The following TGFBI variants were observed in gnomAD, a reference collection of about 807,000 sequenced individuals.
TGFBI encodes transforming growth factor-beta-induced protein ig-h3.
In TGFBI, 50 loss-of-function variants were observed where a neutral mutation model predicts 73.7. That is an observed-to-expected ratio of 0.68 (90% CI 0.54 to 0.86). The LOEUF (loss-of-function observed/expected upper bound fraction) is 0.86. Ranked by LOEUF, TGFBI falls within the 40% of genes least tolerant of loss-of-function variation. The pLI is 0.00. For missense variants in TGFBI, 839 were observed against 877.0 expected (o/e 0.96, Z 0.55); for synonymous variants, 362 against 360.5 (o/e 1.00, Z -0.05).
rs571865897 is a variant in TGFBI at position 136,049,621 on chromosome 5, G to T, written c.913+41G>T. On this transcript the variant is annotated intron_variant, in intron 7 of 16. Transcript: ENST00000442011. ...CTCCTGCTGCTGCCTCATTTGTGCAGCTAGATTGAGCCCAAGACCTGCTCT... is the reference window on the plus strand; with the variant it reads ...CTCCTGCTGCTGCCTCATTTGTGCATCTAGATTGAGCCCAAGACCTGCTCT... The T allele has an allele frequency of 1.4e-5, 23 of 1,592,478 alleles. No individual in the cohort carries two copies. The East Asian group carries it at 5.0e-4, about 35-fold the overall frequency.
chr5:136,046,678 GC>G, intron 4 of TGFBI, 172 bp from the exon 5 acceptor site: 4 of 1,202,904 alleles, frequency 3.3e-6, no homozygotes. Flanking sequence ...TGCGTCTAAT[GC>G]CCCCCGTTCC....
chr5:136,033,185 C>T (rs924301317), intron 1 of TGFBI, among the ~76,000 whole-genome samples: 112 of 152,140 alleles, frequency 7.4e-4, no homozygotes, highest in African/African-American at 2.6e-3. Context: ...AAATAAGGAC[C>T]GTATCCACTG....
rs952022234 is a variant in TGFBI at position 136,052,850 on chromosome 5, T to C, written c.914-57T>C. On this transcript the variant is annotated intron_variant, in intron 7 of 16. Coordinates refer to ENST00000442011, the MANE Select transcript of TGFBI (RefSeq NM_000358.3). ...CACAGCATGGGCAGGCTGCAAGTGG[T>C]CCCTGAGGTTATCGTGGAGTGGACC... The C allele has an allele frequency of 2.1e-5, 33 of 1,545,794 alleles. No individual in the cohort carries two copies. The African/African-American group carries it at 3.9e-4, about 18-fold the overall frequency.
chr5:136,047,519 C>G, intron 6 of TGFBI, 99 bp downstream of exon 6: 1 of 1,452,656 alleles, frequency 6.9e-7, no homozygotes, highest in Non-Finnish European at 9.4e-7. Context: ...GAGGATGGCT[C>G]CTGTAGGGGA....
chr5:136,031,868 C>G (rs1751127319), intron 1 of TGFBI, among the ~76,000 whole-genome samples: 1 of 152,228 alleles, frequency 6.6e-6, no homozygotes, highest in South Asian at 2.1e-4. Context: ...AGGGTCACAG[C>G]CGCCCCCAGC....
intron 1 of TGFBI, 144 bp downstream of exon 1, chr5:136,029,333 C>T (rs1362860194): frequency 1.2e-5 from 12 of 990,180 alleles, no homozygotes; most frequent in Admixed American, 3.7e-5. Flanking sequence ...CGCTCGGACA[C>T]CAGCCCTGCA....
At chr5:136,055,509 G>T (rs1441529831) in intron 10 of TGFBI, 171 bp from the exon 11 acceptor site, 67 of 572,122 alleles carry the variant, frequency 1.2e-4, no homozygotes, top group Non-Finnish European at 1.6e-5. Flanking sequence ...ACCATTTATT[G>T]TTTTATTTCC....
chr5:136,032,523 T>C (rs191955242), intron 1 of TGFBI, among the ~76,000 whole-genome samples: 6 of 152,344 alleles, frequency 3.9e-5, no homozygotes, highest in Admixed American at 3.3e-4. Context: ...ACAAATACGC[T>C]GCACATCAAG....
At chr5:136,054,641 C>T (rs1333376014) in intron 9 of TGFBI, 75 bp from the exon 10 acceptor site, 6 of 1,597,204 alleles carry the variant, frequency 3.8e-6, no homozygotes, top group Admixed American at 1.7e-5. Context: ...GGCTTTTTCA[C>T]TGTATTTATC....
In TGFBI at chr5:136,038,848, G is replaced by A. The variant is rs538870718; in HGVS notation, c.233+4987G>A. 2.7e-4 allele frequency among the ~76,000 whole-genome samples: 41 copies of A among 152,244 alleles called. No individual in the cohort carries two copies. The South Asian group carries it at 6.0e-3, about 22-fold the overall frequency. Reference sequence around the variant, plus strand: ...GCAGCTTCTCAAAGCTGGAAAGGACGAGCAATGGATTCTTCCCTACAGCCT... The same window carrying A: ...GCAGCTTCTCAAAGCTGGAAAGGACAAGCAATGGATTCTTCCCTACAGCCT... On this transcript the variant is annotated intron_variant, in intron 2 of 16. Transcript: ENST00000442011.
At chr5:136,035,371 C>G in intron 2 of TGFBI, among the ~76,000 whole-genome samples, 1 of 152,160 alleles carries the variant, frequency 6.6e-6, no homozygotes. Flanking sequence ...CGCCTGTAAT[C>G]CCAACACTTT....
In TGFBI at chr5:136,035,485, C is replaced by T. The variant is rs142664580; in HGVS notation, c.233+1624C>T. ...AAAAAAATACAAAAATATTAGCGGG[C>T]GTGGTGGCGGGCACCTGTAGTCCCA... On this transcript the variant is annotated intron_variant, in intron 2 of 16. Transcript: ENST00000442011. 1.7e-3 allele frequency among the ~76,000 whole-genome samples: 257 copies of T among 151,896 alleles called. 1 individual carries two copies. The highest frequency in any genetic ancestry group is 5.7e-3 in the African/African-American group (235 of 41,458).
intron 5 of TGFBI, 66 bp downstream of exon 5, chr5:136,047,081 T>C: frequency 1.3e-6 from 2 of 1,584,904 alleles, no homozygotes; most frequent in Admixed American, 1.8e-5. Context: ...GTTCCATGTG[T>C]GGGCTGGTTT....
intron 1 of TGFBI, among the ~76,000 whole-genome samples, chr5:136,030,789 A>G (rs1751107221): frequency 1.3e-5 from 2 of 152,206 alleles, no homozygotes; most frequent in Admixed American, 6.5e-5. Flanking sequence ...TTTCTTCTGT[A>G]TCTTCGCCAC....
rs767772054 is a variant in TGFBI, at chr5:136,054,011, G to T, written c.1195G>T (p.Gly399Cys). 6.2e-7 allele frequency: 1 copy of T among 1,613,954 alleles called. No individual in the cohort carries two copies. The highest frequency in any genetic ancestry group is 1.1e-5 in the South Asian group (1 of 91,068). The change falls in exon 9 of 17, where the codon GGC becomes TGC. Residue 399 changes from glycine to cysteine, a missense_variant. Gly to Cys is a radical substitution (Grantham distance 159). Transcript: ENST00000442011. ...STAIDLFRQA[G>C]LGNHLSGSER... ...AGCCATTGACCTTTTCAGACAAGCC[G>T]GCCTCGGCAATCATCTCTCTGGAAG...
intron 15 of TGFBI, among the ~76,000 whole-genome samples, chr5:136,061,946 G>A (rs1432972404): frequency 1.3e-5 from 2 of 152,176 alleles, no homozygotes; most frequent in African/African-American, 4.8e-5. Context: ...GGGGCCTCTG[G>A]GTCACTCTTC....
intron 3 of TGFBI, 127 bp from the exon 4 acceptor site, chr5:136,046,208 G>A (rs1051138940): frequency 4.4e-6 from 5 of 1,134,918 alleles, no homozygotes; most frequent in Non-Finnish European, 6.2e-6. Flanking sequence ...GCCTGTCTTT[G>A]GGCTTTCCCA....
At chr5:136,056,227 C>A (rs1293796714) in intron 11 of TGFBI, among the ~76,000 whole-genome samples, 1 of 152,178 alleles carries the variant, frequency 6.6e-6, no homozygotes, top group Admixed American at 6.5e-5. Flanking sequence ...TCTTGCCCGG[C>A]TATCTCCATT....
chr5:136,041,907 A>G (rs1751345251), intron 2 of TGFBI, among the ~76,000 whole-genome samples: 1 of 152,238 alleles, frequency 6.6e-6, no homozygotes, highest in Admixed American at 6.5e-5. Flanking sequence ...TCAGAAGCCA[A>G]CAATATAGAA....
Sources: allele counts gnomAD v4.1 joint callset (sites outside exome capture counted in the v4.1 genomes callset), GRCh38; gene constraint gnomAD v4.1.1; transcripts MANE v1.5; gene names NCBI Gene and HGNC (gene_info 2026-07-23, HGNC 2026-07-21).